Variants in HNRNPLL observed in about 807,000 individuals in gnomAD.
The protein encoded by HNRNPLL is heterogeneous nuclear ribonucleoprotein L-like.
In HNRNPLL, 25 loss-of-function variants were observed where a neutral mutation model predicts 67.1. The ratio of observed to expected loss-of-function variants is 0.37; its 90% CI spans 0.27 to 0.52. HNRNPLL has a LOEUF of 0.52. Ranked by LOEUF, HNRNPLL falls within the 20% of genes least tolerant of loss-of-function variation. The probability of loss-of-function intolerance (pLI) is 0.90; values close to 1 mark genes in which losing one functional copy is unlikely to be tolerated. For missense variants in HNRNPLL, 542 were observed against 673.9 expected (o/e 0.80, Z 2.17); for synonymous variants, 267 against 241.7 (o/e 1.10, Z -0.97).
At chr2:38,566,125 T>A in intron 12 of HNRNPLL, 8 of 982,996 alleles carry the variant, frequency 8.1e-6, no homozygotes, top group Non-Finnish European at 9.7e-6. Context: ...TCCCAGCACT[T>A]CGGAAGGCGG....
At chr2:38,577,097 A>G (rs1374242196) in intron 7 of HNRNPLL, among the ~76,000 whole-genome samples, 2 of 151,906 alleles carry the variant, frequency 1.3e-5, no homozygotes, top group Non-Finnish European at 2.9e-5. Context: ...TTATTACTCA[A>G]AATTCCTCTT....
At chr2:38,564,613 CAAAAAAAAAAA>C (rs70954732) in intron 12 of HNRNPLL, among the ~76,000 whole-genome samples, 9 of 36,974 alleles carry the variant, frequency 2.4e-4, no homozygotes, top group Non-Finnish European at 4.4e-4. Flanking sequence ...GACTCCGTCT[CAAAAAAAAAAA>C]AAAAAAAAAA....
chr2:38,594,399 C>A (rs760539700), intron 1 of HNRNPLL, among the ~76,000 whole-genome samples: 4 of 151,428 alleles, frequency 2.6e-5, no homozygotes, highest in African/African-American at 4.9e-5. Context: ...AGGAACATTG[C>A]GATATTTAGG....
At chr2:38,566,633 C>G (rs886360951) in intron 12 of HNRNPLL, among the ~76,000 whole-genome samples, 4 of 151,558 alleles carry the variant, frequency 2.6e-5, no homozygotes, top group Non-Finnish European at 5.9e-5. Flanking sequence ...TTTTACCTAA[C>G]TATAAACCTT....
In HNRNPLL at chr2:38,579,159, G is replaced by C. The variant is rs552259315; in HGVS notation, c.803-1627C>G. Among the ~76,000 whole-genome samples the C allele has an allele frequency of 1.4e-4, 22 of 152,230 alleles. No individual in the cohort carries two copies. In the East Asian group the frequency reaches 4.2e-3, roughly 29 times the overall value. On this transcript the variant is annotated intron_variant, in intron 6 of 12. Transcript: ENST00000449105. ...TTAACAGTGTGCTATAAAGGAAAGAGAACTGGGTTGGGAATCAGACGATTC... is the reference window on the plus strand; with the variant it reads ...TTAACAGTGTGCTATAAAGGAAAGACAACTGGGTTGGGAATCAGACGATTC...
At chr2:38,594,396 T>C (rs771590205) in intron 1 of HNRNPLL, among the ~76,000 whole-genome samples, 7 of 152,128 alleles carry the variant, frequency 4.6e-5, no homozygotes, top group Middle Eastern at 3.2e-3. Context: ...CTTAGGAACA[T>C]TGCGATATTT....
chr2:38,565,992 A>G (rs965369295), intron 12 of HNRNPLL: 1 of 952,300 alleles, frequency 1.1e-6, no homozygotes, highest in African/African-American at 1.8e-5. Flanking sequence ...TTTTTAAACC[A>G]TCATTCATCA....
At chr2:38,586,429 A>C (rs749386346) in intron 2 of HNRNPLL, among the ~76,000 whole-genome samples, 8 of 152,222 alleles carry the variant, frequency 5.3e-5, no homozygotes, top group Non-Finnish European at 1.2e-4. Context: ...ATTATCTGTT[A>C]TTAGTTACTA....
intron 1 of HNRNPLL, among the ~76,000 whole-genome samples, chr2:38,594,716 A>C (rs1667104454): frequency 6.6e-6 from 1 of 152,106 alleles, no homozygotes; most frequent in South Asian, 2.1e-4. Context: ...TGGGAGGCTG[A>C]CACAGGCAAA....
intron 1 of HNRNPLL, chr2:38,602,171 G>A: frequency 2.1e-6 from 1 of 473,132 alleles, no homozygotes; most frequent in Non-Finnish European, 3.7e-6. Flanking sequence ...CCCCGCCGCC[G>A]CCGCCGCGCC....
At chr2:38,583,475 T>C (rs1666615871) in intron 4 of HNRNPLL, among the ~76,000 whole-genome samples, 1 of 152,204 alleles carries the variant, frequency 6.6e-6, no homozygotes, top group African/African-American at 2.4e-5. Flanking sequence ...ATTACCATTT[T>C]AAAGGTTCAA....
intron 3 of HNRNPLL, 94 bp from the exon 4 acceptor site, chr2:38,584,020 G>A: frequency 5.9e-6 from 3 of 508,034 alleles, no homozygotes; most frequent in East Asian, 6.7e-5. Context: ...ACTATCAACT[G>A]TCAAGATGTC....
At chr2:38,574,149 C>T (rs989882253) in intron 7 of HNRNPLL, among the ~76,000 whole-genome samples, 14 of 151,882 alleles carry the variant, frequency 9.2e-5, no homozygotes, top group South Asian at 2.1e-4. Flanking sequence ...TAAGAATCAA[C>T]TTGCTAACTT....
At chr2:38,599,907 C>CT (rs1558550175) in intron 1 of HNRNPLL, 1 of 471,412 alleles carries the variant, frequency 2.1e-6, no homozygotes, top group East Asian at 7.0e-5. Flanking sequence ...CCTGCATTTA[C>CT]TTTAACAGTC....
chr2:38,573,684 A>G lies in HNRNPLL; in HGVS notation c.875-257T>C, dbSNP rs1475626753. Among the ~76,000 whole-genome samples, 4 of 151,930 alleles carry G rather than the reference A, an allele frequency of 2.6e-5. No individual in the cohort carries two copies. The East Asian group carries it at 5.8e-4, about 22-fold the overall frequency. ...CCAGGCTATAAGCTTACATTTTTAAAAAATTATAGTTTAACAAGACTATGG... is the reference window on the plus strand; with the variant it reads ...CCAGGCTATAAGCTTACATTTTTAAGAAATTATAGTTTAACAAGACTATGG... On this transcript the variant is annotated intron_variant, in intron 7 of 12. Coordinates refer to ENST00000449105, the MANE Select transcript of HNRNPLL (RefSeq NM_138394.4).
chr2:38,591,729 A>G, intron 1 of HNRNPLL, 81 bp from the exon 2 acceptor site: 1 of 810,056 alleles, frequency 1.2e-6, no homozygotes, highest in Non-Finnish European at 2.0e-6. Flanking sequence ...TAATCCCTGC[A>G]CTTTGGGAGG....
intron 12 of HNRNPLL, among the ~76,000 whole-genome samples, chr2:38,566,900 G>GA (rs984344805): frequency 2.5e-4 from 37 of 149,984 alleles, no homozygotes; most frequent in African/African-American, 6.6e-4. Flanking sequence ...TACAATAACA[G>GA]AAAAAAACAA....
intron 1 of HNRNPLL, among the ~76,000 whole-genome samples, chr2:38,595,319 A>C (rs1572462931): frequency 6.6e-6 from 1 of 151,282 alleles, no homozygotes; most frequent in East Asian, 1.9e-4. Context: ...AACACAAAAC[A>C]ATAAATTGAT....
chr2:38,574,984 G>A (rs916745576), intron 7 of HNRNPLL, among the ~76,000 whole-genome samples: 1 of 151,650 alleles, frequency 6.6e-6, no homozygotes, highest in East Asian at 1.9e-4. Context: ...TGCTTGTACA[G>A]TAATGACATT....
Sources: gnomAD v4.1 joint callset for allele counts (sites outside exome capture counted in the v4.1 genomes callset) on GRCh38, gnomAD v4.1.1 for gene constraint, MANE v1.5 for transcripts, NCBI Gene and HGNC (gene_info 2026-07-23, HGNC 2026-07-21) for gene names.